The following CPNE7 variants were observed in gnomAD, a reference collection of about 807,000 sequenced individuals.
The protein encoded by CPNE7 is copine-7.
CPNE7 carries 78 observed loss-of-function variants against 66.5 expected under a neutral mutation model. The ratio of observed to expected loss-of-function variants is 1.17; its 90% confidence interval spans 0.98 to 1.42. The LOEUF is 1.42. Among genes scored for constraint, CPNE7 ranks in the 40% most tolerant of loss-of-function variants. The pLI is 0.00. For missense variants in CPNE7, 1,012 were observed against 776.6 expected (o/e 1.30, Z -3.60); for synonymous variants, 468 against 336.7 (o/e 1.39, Z -4.27).
Position 89,585,714 on chromosome 16 carries a change from G to A in CPNE7, c.709G>A (p.Gly237Arg). 6.4e-7 allele frequency: 1 copy of A among 1,550,576 alleles called. No individual in the cohort carries two copies. Among genetic ancestry groups the A allele is most frequent in the Non-Finnish European group, 8.7e-7 (1 of 1,147,320 alleles). Residue 237 changes from glycine to arginine, a missense_variant, in exon 7 of 15, where the codon GGA (glycine) becomes AGA (arginine). By Grantham distance (125) the Gly-to-Arg change is moderately radical (BLOSUM62 -2). Coordinates refer to ENST00000319518, the MANE Select transcript of CPNE7 (RefSeq NM_153636.3). ...CCTGGTCTGGGATTACGACTCTCGAGGAAAGCACGACTTCATCGGAGAATT... is the reference window on the plus strand; with the variant it reads ...CCTGGTCTGGGATTACGACTCTCGAAGAAAGCACGACTTCATCGGAGAATT... ...KCLVWDYDSRGKHDFIGEFST... is the reference protein window; with the variant it reads ...KCLVWDYDSRRKHDFIGEFST...
intron 13 of CPNE7, among the ~76,000 whole-genome samples, chr16:89,592,603 C>T (rs542510672): frequency 7.3e-5 from 11 of 150,198 alleles, no homozygotes; most frequent in African/African-American, 2.2e-4. Flanking sequence ...CCACCACGCC[C>T]GGCTAATTTT....
chr16:89,591,336 G>C, intron 13 of CPNE7, 76 bp downstream of exon 13: 1 of 1,455,906 alleles, frequency 6.9e-7, no homozygotes, highest in Non-Finnish European at 9.0e-7. Flanking sequence ...ACGTCAGGGA[G>C]GCACCTGGCA....
At chr16:89,582,099 C>G (rs928265288) in intron 2 of CPNE7, among the ~76,000 whole-genome samples, 1 of 152,256 alleles carries the variant, frequency 6.6e-6, no homozygotes, top group Non-Finnish European at 1.5e-5. Context: ...TGGATATGTG[C>G]AAACTTCCAG....
Position 89,597,178 on chromosome 16 carries a change from G to C in CPNE7, c.*557G>C, listed in dbSNP as rs1332352544. Reference sequence around the variant, plus strand: ...GTCCATGGGGTCTGCGGGGTCTGCGGGGTCTGCCTGGCCTGTGGGTTCTGC... The same window carrying C: ...GTCCATGGGGTCTGCGGGGTCTGCGCGGTCTGCCTGGCCTGTGGGTTCTGC... On this transcript the variant is annotated 3_prime_UTR_variant, in exon 15 of 15. Coordinates refer to ENST00000319518, the MANE Select transcript of CPNE7 (RefSeq NM_153636.3). 1.3e-5 allele frequency: 2 copies of C among 152,250 alleles called. No individual in the cohort carries two copies. Among genetic ancestry groups the C allele is most frequent in the African/African-American group, 4.9e-5 (2 of 40,538 alleles). The allele number at this position is 152,250 out of a possible 1,614,324, so 9.4% of individuals were successfully genotyped here.
At position 89,587,102 on chromosome 16, in the gene CPNE7, C is replaced by A; in HGVS notation, c.927C>A (p.Thr309=). The change falls in exon 9 of 15, where the codon ACC becomes ACA. Residue 309 remains threonine, a splice_region_variant and synonymous_variant. Coordinates refer to ENST00000319518, the MANE Select transcript of CPNE7 (RefSeq NM_153636.3). Reference sequence around the variant, plus strand: ...TGGGCGGCTGCCAGATCCACTTCACCGTGAGTCCATGGCCCCGCCCCATGC... The same window carrying A: ...TGGGCGGCTGCCAGATCCACTTCACAGTGAGTCCATGGCCCCGCCCCATGC... ...YIMGGCQIHF[T]VAIDFTASNG... is the part of the protein sequence containing the mutation. The A allele has an allele frequency of 1.3e-6, 2 of 1,556,764 alleles. No homozygotes were observed. The highest frequency in any genetic ancestry group is 1.7e-6 in the Non-Finnish European group (2 of 1,150,832).
chr16:89,583,570 G>C (rs747093773), intron 2 of CPNE7, 127 bp from the exon 3 acceptor site: 4 of 1,599,960 alleles, frequency 2.5e-6, no homozygotes, highest in Non-Finnish European at 3.4e-6. Flanking sequence ...GCCCTGGGCA[G>C]TGAAGCTCAT....
At chr16:89,583,040 G>C (rs1360382786) in intron 2 of CPNE7, among the ~76,000 whole-genome samples, 1 of 152,238 alleles carries the variant, frequency 6.6e-6, no homozygotes, top group Non-Finnish European at 1.5e-5. Context: ...ACCCCAGGTG[G>C]GCTCATAGCC....
intron 13 of CPNE7, among the ~76,000 whole-genome samples, chr16:89,592,815 T>TTC (rs2059195204): frequency 7.1e-6 from 1 of 140,310 alleles, no homozygotes; most frequent in Non-Finnish European, 1.5e-5. Flanking sequence ...CTTTTCTTTT[T>TTC]TTTTTTTTTT....
rs374128987 is a variant in CPNE7 at position 89,578,905 on chromosome 16, GTGC to G, written c.357+1187_357+1189del. 1,151 of 1,613,802 alleles carry G rather than the reference GTGC, an allele frequency of 7.1e-4. 17 individuals are homozygous for G. The South Asian group carries it at 0.012, about 17-fold the overall frequency. On this transcript the variant is annotated intron_variant, in intron 2 of 14. Coordinates refer to ENST00000319518, the MANE Select transcript of CPNE7 (RefSeq NM_153636.3). ...AGTCGTGATGAGAGTGTCTGTTGAT[GTGC>G]TGGGCCCTGCTGGACACTGCGCTAA...
chr16:89,590,229 A>G (rs2059147356), intron 11 of CPNE7, among the ~76,000 whole-genome samples: 1 of 152,224 alleles, frequency 6.6e-6, no homozygotes, highest in Non-Finnish European at 1.5e-5. Context: ...GCACATAACA[A>G]TTCAGCTAGC....
chr16:89,587,319 C>CCGCCCACCGCCCACCCGGAGGAGGAA (rs2059068697), intron 9 of CPNE7, among the ~76,000 whole-genome samples: 2 of 2,170 alleles, frequency 9.2e-4, no homozygotes, highest in African/African-American at 3.7e-3. Context: ...TCCCCGCCCC[C>CCGCCCACCGCCCACCCGGAGGAGGAA]TCAGTCCGTG....
chr16:89,583,344 T>G, intron 2 of CPNE7: 1 of 1,158,360 alleles, frequency 8.6e-7, no homozygotes, highest in Non-Finnish European at 1.3e-6. Flanking sequence ...CCTGCTTACC[T>G]GTGGAGGGGC....
chr16:89,580,678 ATCACACGGAACATCTCACCTG>A (rs1197237050), intron 2 of CPNE7, among the ~76,000 whole-genome samples: 1 of 125,490 alleles, frequency 8.0e-6, no homozygotes, highest in African/African-American at 3.1e-5. Context: ...CCCATCACCC[ATCACACGGAACATCTCACCTG>A]TCACACGGAA....
chr16:89,577,494 G>C, intron 1 of CPNE7, 45 bp from the exon 2 acceptor site: 1 of 1,541,724 alleles, frequency 6.5e-7, no homozygotes, highest in Non-Finnish European at 8.8e-7. Context: ...TGGAGCCCGG[G>C]GTGGAAGCCT....
At chr16:89,594,783 C>T (rs778988920) in intron 13 of CPNE7, among the ~76,000 whole-genome samples, 6 of 151,046 alleles carry the variant, frequency 4.0e-5, no homozygotes, top group Non-Finnish European at 7.4e-5. Flanking sequence ...TCCCGAATAG[C>T]TGGGATTACA....
intron 13 of CPNE7, 51 bp from the exon 14 acceptor site, chr16:89,595,316 A>T (rs373850075): frequency 2.0e-6 from 3 of 1,470,504 alleles, no homozygotes; most frequent in African/African-American, 1.4e-5. Flanking sequence ...TGCAGGGCGC[A>T]TGTGGGCCAT....
chr16:89,585,776 G>A lies in CPNE7; in HGVS notation c.771G>A (p.Glu257=). ...TTFEEMQKAF[E]EGQAQWDCVN... is the part of the protein sequence containing the mutation. ...TCGAGGAGATGCAGAAGGCCTTTGA[G>A]GAGGGGCAGGTGAGCAGGACGGGGT... The change falls in exon 7 of 15, where the codon GAG becomes GAA. Residue 257 remains glutamate, a synonymous_variant. Coordinates refer to ENST00000319518, the MANE Select transcript of CPNE7 (RefSeq NM_153636.3). 2.0e-6 allele frequency: 3 copies of A among 1,537,466 alleles called. No homozygotes were observed. Among genetic ancestry groups the A allele is most frequent in the Non-Finnish European group, 1.8e-6 (2 of 1,142,820 alleles).
At position 89,588,689 on chromosome 16, in the gene CPNE7, C is replaced by T. The variant is rs1166853483; in HGVS notation, c.942C>T (p.Phe314=). 18 of 1,613,178 alleles carry T rather than the reference C, an allele frequency of 1.1e-5. No individual in the cohort carries two copies. The highest frequency in any genetic ancestry group is 1.5e-5 in the Non-Finnish European group (18 of 1,179,956). ...CQIHFTVAID[F]TASNGDPRNS... ...GCCCACTGCAGGTGGCCATTGACTTCACCGCCTCCAATGGAGACCCGCGGA... is the reference window on the plus strand; with the variant it reads ...GCCCACTGCAGGTGGCCATTGACTTTACCGCCTCCAATGGAGACCCGCGGA... Residue 314 remains phenylalanine (F), a synonymous_variant, in exon 10 of 15, where the codon TTC becomes TTT. Transcript: ENST00000319518.
chr16:89,585,159 T>G (rs944348065), intron 5 of CPNE7, among the ~76,000 whole-genome samples: 5 of 152,186 alleles, frequency 3.3e-5, no homozygotes, highest in Admixed American at 6.5e-5. Context: ...TGCTTTCTTT[T>G]GAGAGAAATT....
Sources: allele counts gnomAD v4.1 joint callset (sites outside exome capture counted in the v4.1 genomes callset), GRCh38; gene constraint gnomAD v4.1.1; transcripts MANE v1.5; gene names NCBI Gene and HGNC (gene_info 2026-07-23, HGNC 2026-07-21).